PDS5A: variants seen among roughly 807,000 people sequenced by gnomAD.
PDS5A encodes the protein sister chromatid cohesion protein PDS5 homolog A.
A neutral mutation model predicts 167.1 loss-of-function variants in PDS5A; 42 were observed. The observed-to-expected ratio is 0.25, with a 90% confidence interval of 0.20 to 0.33. The LOEUF (loss-of-function observed/expected upper bound fraction) is 0.33, where lower values mean the gene tolerates loss of function less well. PDS5A is among the 10% of genes least tolerant of loss of function. The pLI, the probability that PDS5A is intolerant of heterozygous loss-of-function variation, is 1.00. For missense variants in PDS5A, 1,033 were observed against 1,605.9 expected, an observed-to-expected ratio of 0.64 and a Z score of 6.10; for synonymous variants, 553 against 554.6, an observed-to-expected ratio of 1.00 and a Z score of 0.04.
At chr4:39,890,805 C>T (rs943418683) in intron 16 of PDS5A, among the ~76,000 whole-genome samples, 1 of 151,798 alleles carries the variant, frequency 6.6e-6, no homozygotes, top group African/African-American at 2.4e-5. Context: ...TTTGTAGAGA[C>T]GGGGCTTCAC....
chr4:39,904,984 G>A (rs936223351), intron 11 of PDS5A, among the ~76,000 whole-genome samples: 41 of 152,206 alleles, frequency 2.7e-4, no homozygotes, highest in African/African-American at 8.9e-4. Context: ...TGTTAACTTC[G>A]GATAAGAACA....
chr4:39,910,735 C>G (rs894795875), intron 9 of PDS5A, among the ~76,000 whole-genome samples: 2 of 152,290 alleles, frequency 1.3e-5, no homozygotes, highest in Middle Eastern at 3.4e-3. Flanking sequence ...TGGCTGACAC[C>G]TGTAATCACT....
At chr4:39,896,191 C>T (rs765581509) in intron 16 of PDS5A, among the ~76,000 whole-genome samples, 20 of 151,764 alleles carry the variant, frequency 1.3e-4, no homozygotes, top group South Asian at 2.1e-4. Flanking sequence ...TACAGGTGTG[C>T]GCCACCATGT....
At chr4:39,877,223 G>T in intron 18 of PDS5A, 70 bp from the exon 19 acceptor site, 1 of 959,630 alleles carries the variant, frequency 1.0e-6, no homozygotes, top group Non-Finnish European at 1.5e-6. Flanking sequence ...ATTACTTCCC[G>T]CAAAAGAAAA....
intron 9 of PDS5A, among the ~76,000 whole-genome samples, chr4:39,910,773 T>C (rs1046573534): frequency 1.3e-5 from 2 of 152,154 alleles, no homozygotes; most frequent in Non-Finnish European, 2.9e-5. Flanking sequence ...GACAGGTGGA[T>C]TGCTTGTGGC....
intron 32 of PDS5A, chr4:39,837,143 T>G (rs1578575076): frequency 6.6e-6 from 1 of 152,130 alleles, no homozygotes; most frequent in Non-Finnish European, 1.5e-5. Context: ...GACATTGAGT[T>G]TTATAAAAAT....
rs185978881 is a variant in PDS5A, at chr4:39,849,056, T to G, written c.3220-86A>C. The G allele has an allele frequency of 1.8e-4, 168 of 942,494 alleles. 1 individual carries two copies. The highest frequency in any genetic ancestry group is 2.5e-4 in the Non-Finnish European group (156 of 635,474). 58.4% of individuals were successfully genotyped at this position (942,494 alleles called of 1,614,324 possible). ...TTCCACTAAATGTATAATTTAGAGT[T>G]AAAAGAAGGATACTGTGGTTGTTAT... On this transcript the variant is annotated intron_variant, in intron 27 of 32. Transcript: ENST00000303538.
chr4:39,917,918 G>A (rs1317761783), intron 7 of PDS5A, among the ~76,000 whole-genome samples: 2 of 148,632 alleles, frequency 1.3e-5, no homozygotes, highest in African/African-American at 4.9e-5. Context: ...AGCAGCACAC[G>A]CCTGTAATCC....
At chr4:39,943,620 C>CAAAAAAAAA (rs67431661) in intron 2 of PDS5A, among the ~76,000 whole-genome samples, 8 of 109,792 alleles carry the variant, frequency 7.3e-5, no homozygotes, top group South Asian at 2.9e-4. Flanking sequence ...CCCGTTTCTA[C>CAAAAAAAAA]AAAAAAAAAA....
chr4:39,839,205 T>TAC (rs1716719324), intron 31 of PDS5A, among the ~76,000 whole-genome samples: 1 of 152,074 alleles, frequency 6.6e-6, no homozygotes, highest in African/African-American at 2.4e-5. Context: ...GGTAACTTGT[T>TAC]ACCTGAATCC....
intron 2 of PDS5A, among the ~76,000 whole-genome samples, chr4:39,946,457 C>T (rs1727780053): frequency 6.6e-6 from 1 of 151,882 alleles, no homozygotes; most frequent in African/African-American, 2.4e-5. Flanking sequence ...AAAAATATTA[C>T]CACCCAGAAG....
chr4:39,958,740 T>C lies in PDS5A; in HGVS notation c.138+17700A>G, dbSNP rs117178852. Among the ~76,000 whole-genome samples, 167 of 151,794 alleles carry C rather than the reference T, an allele frequency of 1.1e-3. 1 individual carries two copies. The East Asian group carries it at 0.028, about 25-fold the overall frequency. On this transcript the variant is annotated intron_variant, in intron 2 of 32. Transcript: ENST00000303538. ...AACTATTCTTGTGCCTCCTGAGTAG[T>C]TGGGATTACAGGCGCACATCACCAC...
intron 2 of PDS5A, among the ~76,000 whole-genome samples, chr4:39,935,379 T>C (rs1318721043): frequency 6.6e-6 from 1 of 152,252 alleles, no homozygotes; most frequent in Non-Finnish European, 1.5e-5. Context: ...ATTATAGGCG[T>C]GAGCCACCGC....
At position 39,874,372 on chromosome 4, in the gene PDS5A, T is replaced by A. The variant is rs1379916886; in HGVS notation, c.2194A>T (p.Thr732Ser). 6.2e-7 allele frequency: 1 copy of A among 1,612,464 alleles called. No homozygotes were observed. Among genetic ancestry groups the A allele is most frequent in the Admixed American group, 1.7e-5 (1 of 59,988 alleles). The change falls in exon 20 of 33, where the codon ACT becomes TCT. Residue 732 changes from threonine (T) to serine (S), a missense_variant. Thr to Ser is a moderately conservative substitution (Grantham distance 58). This residue lies in a region of PDS5A where 367 missense variants were observed against 686.7 expected (regional missense o/e 0.53). Coordinates refer to ENST00000303538, the MANE Select transcript of PDS5A (RefSeq NM_001100399.2). ...ACAGCCTGTTTTGCTTGGTGTGGAG[T>A]ACCCCTCTTTGCTTTTTGATGTAAA... The part of the protein sequence containing the change: ...PILHQKAKRG[T>S]PHQAKQAVHC...
At chr4:39,926,049 C>T (rs1725427247) in intron 4 of PDS5A, 116 bp from the exon 5 acceptor site, 2 of 330,834 alleles carry the variant, frequency 6.0e-6, no homozygotes, top group Non-Finnish European at 1.1e-5. Context: ...TCTATAAAGA[C>T]TCAACATATA....
intron 17 of PDS5A, among the ~76,000 whole-genome samples, chr4:39,881,342 T>C (rs1399435835): frequency 6.6e-6 from 1 of 151,826 alleles, no homozygotes; most frequent in African/African-American, 2.4e-5. Flanking sequence ...ATGGTAGTTG[T>C]ATTTTTTAGT....
intron 2 of PDS5A, among the ~76,000 whole-genome samples, chr4:39,947,656 GA>G (rs1206833783): frequency 6.6e-6 from 1 of 152,168 alleles, no homozygotes; most frequent in Non-Finnish European, 1.5e-5. Flanking sequence ...AATGTTTTAA[GA>G]AAGTTTATGA....
chr4:39,922,626 T>C lies in PDS5A; in HGVS notation c.650A>G (p.His217Arg). The change falls in exon 6 of 33, where the codon CAT becomes CGT. Residue 217 changes from histidine (H) to arginine (R), a missense_variant. By Grantham distance (29) the His-to-Arg change is conservative. Coordinates refer to ENST00000303538, the MANE Select transcript of PDS5A (RefSeq NM_001100399.2). ...ATATCTTCATACTTTACAGACCTTA[T>C]GTGCAGGAATGAGGTTAATAAGAAT... ...DSILINLIPAHKNLNKQSFDL... is the reference protein window; with the variant it reads ...DSILINLIPARKNLNKQSFDL... The C allele has an allele frequency of 6.3e-7, 1 of 1,576,548 alleles. No homozygotes were observed. Among genetic ancestry groups the C allele is most frequent in the Non-Finnish European group, 8.6e-7 (1 of 1,162,858 alleles).
chr4:39,975,375 T>G (rs1730991210), intron 2 of PDS5A, among the ~76,000 whole-genome samples: 2 of 152,186 alleles, frequency 1.3e-5, no homozygotes, highest in Non-Finnish European at 2.9e-5. Context: ...AAATGCAACA[T>G]TAGGTACATT....
Sources: gnomAD v4.1 joint callset for allele counts (sites outside exome capture counted in the v4.1 genomes callset) on GRCh38, gnomAD v4.1.1 for gene constraint, gnomAD v4.1.1 regional missense constraint, MANE v1.5 for transcripts, NCBI Gene and HGNC (gene_info 2026-07-23, HGNC 2026-07-21) for gene names.